DCLK2: variants seen among roughly 807,000 people sequenced by gnomAD.
DCLK2 encodes the protein doublecortin like kinase 2, also known as serine/threonine-protein kinase DCLK2.
A neutral mutation model predicts 78.4 loss-of-function variants in DCLK2; 31 were observed. The ratio of observed to expected loss-of-function variants is 0.40; its 90% CI spans 0.30 to 0.53. The LOEUF (loss-of-function observed/expected upper bound fraction) is 0.53. DCLK2 is among the 20% of genes least tolerant of loss of function. The probability of loss-of-function intolerance (pLI) is 0.61; values close to 1 mark genes in which losing one functional copy is unlikely to be tolerated. For missense variants in DCLK2, 872 were observed against 973.7 expected, an observed-to-expected ratio of 0.90 and a Z score of 1.39; for synonymous variants, 407 against 374.9, an observed-to-expected ratio of 1.09 and a Z score of -0.99.
intron 2 of DCLK2, among the ~76,000 whole-genome samples, chr4:150,168,067 G>T (rs1736228209): frequency 6.6e-6 from 1 of 152,184 alleles, no homozygotes; most frequent in South Asian, 2.1e-4. Flanking sequence ...AGTCAGGCCA[G>T]GTGCGGTGGC....
chr4:150,208,647 G>A (rs1740046679), intron 5 of DCLK2, among the ~76,000 whole-genome samples: 1 of 152,106 alleles, frequency 6.6e-6, no homozygotes, highest in Non-Finnish European at 1.5e-5. Context: ...TGGGGTTAGG[G>A]AGGAGGCTGG....
At chr4:150,194,878 TC>T in intron 3 of DCLK2, among the ~76,000 whole-genome samples, 1 of 151,922 alleles carries the variant, frequency 6.6e-6, no homozygotes, top group African/African-American at 2.4e-5. Context: ...GTACCAAACT[TC>T]CTTGTGTCAT....
chr4:150,192,159 A>G (rs1738501085), intron 2 of DCLK2, among the ~76,000 whole-genome samples: 1 of 152,128 alleles, frequency 6.6e-6, no homozygotes, highest in Non-Finnish European at 1.5e-5. Flanking sequence ...CTAATACAGT[A>G]TGGAAGGGAG....
chr4:150,187,380 A>AT (rs1738033518), intron 2 of DCLK2, among the ~76,000 whole-genome samples: 1 of 152,168 alleles, frequency 6.6e-6, no homozygotes, highest in Non-Finnish European at 1.5e-5. Context: ...TTCTTTAATG[A>AT]TCTTTCCACA....
intron 2 of DCLK2, among the ~76,000 whole-genome samples, chr4:150,171,343 T>TG (rs1457660977): frequency 3.3e-5 from 5 of 152,068 alleles, no homozygotes; most frequent in Admixed American, 3.3e-4. Flanking sequence ...TAGCTGGGCG[T>TG]GGTAGTGGAA....
At chr4:150,088,187 C>G (rs7436161) in intron 1 of DCLK2, among the ~76,000 whole-genome samples, 57,992 of 151,900 alleles carry the variant, frequency 0.38, 11,302 homozygotes, top group Non-Finnish European at 0.42. Flanking sequence ...AGAAAAAAGG[C>G]GTTCTAGAAA....
chr4:150,130,124 T>G (rs1733197404), intron 2 of DCLK2, among the ~76,000 whole-genome samples: 2 of 152,184 alleles, frequency 1.3e-5, no homozygotes, highest in African/African-American at 2.4e-5. Flanking sequence ...AAACATCCAG[T>G]CTATTTAATG....
chr4:150,227,560 G>T (rs1741711454), intron 8 of DCLK2, among the ~76,000 whole-genome samples: 1 of 152,150 alleles, frequency 6.6e-6, no homozygotes, highest in African/African-American at 2.4e-5. Context: ...CTGAGCAAAG[G>T]CCCAGAGGAC....
Position 150,102,470 on chromosome 4 carries a change from C to T in DCLK2, c.422-8C>T, listed in dbSNP as rs771499916. The T allele has an allele frequency of 6.2e-7, 1 of 1,604,640 alleles. No homozygotes were observed. Among genetic ancestry groups the T allele is most frequent in the Admixed American group, 1.7e-5 (1 of 58,682 alleles). On this transcript the variant is annotated splice_region_variant and splice_polypyrimidine_tract_variant and intron_variant, in intron 1 of 15. Coordinates refer to ENST00000296550, the MANE Select transcript of DCLK2 (RefSeq NM_001040260.4). ...ATCATGCTAATAAAATCAAATTTTG[C>T]TTTTTAGGTGAGAGTTACGTGTGTG...
At chr4:150,196,029 A>C (rs1188490041) in intron 3 of DCLK2, among the ~76,000 whole-genome samples, 1 of 152,134 alleles carries the variant, frequency 6.6e-6, no homozygotes, top group Admixed American at 6.6e-5. Flanking sequence ...TCTCAGACCT[A>C]ATTCTGCCAC....
intron 10 of DCLK2, among the ~76,000 whole-genome samples, 170 bp from the exon 11 acceptor site, chr4:150,239,572 G>C (rs1742753969): frequency 6.6e-6 from 1 of 151,980 alleles, no homozygotes; most frequent in South Asian, 2.1e-4. Flanking sequence ...CCGCACTCCA[G>C]CCTGGGCAAC....
chr4:150,253,786 G>A (rs2126652138), intron 15 of DCLK2: 1 of 985,450 alleles, frequency 1.0e-6, no homozygotes, highest in African/African-American at 1.7e-5. Flanking sequence ...CAGCTGGTGA[G>A]AGCACGGGAG....
chr4:150,099,669 G>A (rs571969141), intron 1 of DCLK2, among the ~76,000 whole-genome samples: 4 of 152,146 alleles, frequency 2.6e-5, no homozygotes, highest in South Asian at 2.1e-4. Flanking sequence ...GTTTCATACC[G>A]TGTCAGCACC....
chr4:150,139,692 C>T (rs991883258), intron 2 of DCLK2, among the ~76,000 whole-genome samples: 10 of 152,224 alleles, frequency 6.6e-5, no homozygotes, highest in African/African-American at 2.4e-5. Context: ...CCTTCCAAAG[C>T]TAATGCACCC....
chr4:150,211,398 A>G lies in DCLK2; in HGVS notation c.1056+7509A>G, dbSNP rs74352853. 4.2e-3 allele frequency among the ~76,000 whole-genome samples: 634 copies of G among 152,170 alleles called. 3 individuals are homozygous for G. The highest frequency in any genetic ancestry group is 0.014 in the African/African-American group (572 of 41,522). On this transcript the variant is annotated intron_variant, in intron 5 of 15. Coordinates refer to ENST00000296550, the MANE Select transcript of DCLK2 (RefSeq NM_001040260.4). ...GGAAGCCAGACCCCATCTCTTCCAT[A>G]ATATCTTGGTGGTCACACACCAGCC...
chr4:150,089,581 A>G (rs951094096), intron 1 of DCLK2, among the ~76,000 whole-genome samples: 1 of 152,200 alleles, frequency 6.6e-6, no homozygotes, highest in Non-Finnish European at 1.5e-5. Flanking sequence ...AACAATATAA[A>G]AATCCAGCAT....
intron 2 of DCLK2, among the ~76,000 whole-genome samples, chr4:150,171,309 T>C (rs1473222605): frequency 4.6e-5 from 7 of 152,214 alleles, no homozygotes. Context: ...TGAAACCCCA[T>C]CTCTACTAAA....
At chr4:150,130,263 A>T (rs1442635347) in intron 2 of DCLK2, among the ~76,000 whole-genome samples, 1 of 151,880 alleles carries the variant, frequency 6.6e-6, no homozygotes, top group Non-Finnish European at 1.5e-5. Flanking sequence ...TGATGAGGAA[A>T]TCTAAAACAC....
intron 2 of DCLK2, among the ~76,000 whole-genome samples, chr4:150,155,217 C>A (rs1735184236): frequency 6.6e-6 from 1 of 152,164 alleles, no homozygotes; most frequent in Non-Finnish European, 1.5e-5. Flanking sequence ...GGCAACAGAA[C>A]AAGACCTTGT....
Sources: allele counts gnomAD v4.1 joint callset (sites outside exome capture counted in the v4.1 genomes callset), GRCh38; gene constraint gnomAD v4.1.1; transcripts MANE v1.5; gene names NCBI Gene and HGNC (gene_info 2026-07-23, HGNC 2026-07-21).